SUPT3H: variants seen among roughly 807,000 people sequenced by gnomAD.
SUPT3H encodes the protein transcription initiation protein SPT3 homolog.
Under a neutral mutation model 44.3 loss-of-function variants are expected in SUPT3H, and 44 were observed. The ratio of observed to expected loss-of-function variants is 0.99; its 90% confidence interval spans 0.78 to 1.28. The LOEUF is 1.28. Among genes scored for constraint, SUPT3H ranks in the 50% most tolerant of loss-of-function variants. The probability of loss-of-function intolerance (pLI) is 0.00; values close to 1 mark genes in which losing one functional copy is unlikely to be tolerated. For missense variants in SUPT3H, 380 were observed against 387.1 expected (o/e 0.98, Z 0.15); for synonymous variants, 124 against 125.6 (o/e 0.99, Z 0.09).
intron 3 of SUPT3H, chr6:45,099,386 A>C (rs1225238058): frequency 6.6e-6 from 1 of 152,404 alleles, no homozygotes; most frequent in Non-Finnish European, 1.5e-5. Flanking sequence ...AAATGGAATA[A>C]AACACGTTTC....
chr6:45,061,449 G>T (rs935039181), intron 3 of SUPT3H, among the ~76,000 whole-genome samples: 1 of 152,124 alleles, frequency 6.6e-6, no homozygotes, highest in Non-Finnish European at 1.5e-5. Context: ...TTTAGAGGGG[G>T]CAGGGAGAGG....
chr6:45,263,496 AG>A (rs1774735501), intron 2 of SUPT3H, among the ~76,000 whole-genome samples: 1 of 152,112 alleles, frequency 6.6e-6, no homozygotes, highest in Non-Finnish European at 1.5e-5. Context: ...TGGGTGAGGG[AG>A]TTGGGTATGG....
intron 3 of SUPT3H, among the ~76,000 whole-genome samples, chr6:45,050,349 CA>C (rs1562340111): frequency 6.7e-6 from 1 of 150,004 alleles, no homozygotes; most frequent in African/African-American, 2.5e-5. Flanking sequence ...CTATAAACCA[CA>C]AAATCATCTG....
intron 3 of SUPT3H, among the ~76,000 whole-genome samples, chr6:45,071,344 C>A (rs1794349230): frequency 6.6e-6 from 1 of 152,084 alleles, no homozygotes; most frequent in African/African-American, 2.4e-5. Flanking sequence ...AAAAGTTACA[C>A]ATGAGGAAAC....
At chr6:45,272,640 G>A (rs1329354733) in intron 2 of SUPT3H, among the ~76,000 whole-genome samples, 2 of 152,170 alleles carry the variant, frequency 1.3e-5, no homozygotes, top group African/African-American at 4.8e-5. Flanking sequence ...GGACTGTAAG[G>A]TGGATGCCTA....
intron 2 of SUPT3H, among the ~76,000 whole-genome samples, chr6:45,191,765 T>C (rs1815181218): frequency 6.6e-6 from 1 of 152,040 alleles, no homozygotes; most frequent in Non-Finnish European, 1.5e-5. Context: ...AAAACGTTTA[T>C]CAAATCACCA....
intron 10 of SUPT3H, among the ~76,000 whole-genome samples, chr6:44,841,111 C>T (rs893881627): frequency 1.3e-5 from 2 of 152,194 alleles, no homozygotes; most frequent in African/African-American, 4.8e-5. Context: ...GCTTCCTGTA[C>T]AGCCTGGAGA....
intron 2 of SUPT3H, among the ~76,000 whole-genome samples, chr6:45,111,843 C>T (rs1800120244): frequency 6.6e-6 from 1 of 152,002 alleles, no homozygotes; most frequent in South Asian, 2.1e-4. Flanking sequence ...AAATGACCAG[C>T]CAGAGATTTG....
At chr6:45,282,446 C>T (rs889452481) in intron 2 of SUPT3H, among the ~76,000 whole-genome samples, 2 of 152,110 alleles carry the variant, frequency 1.3e-5, no homozygotes, top group Non-Finnish European at 2.9e-5. Context: ...AATGCACAAG[C>T]TTCAGTAGCC....
At chr6:45,292,850 A>C (rs998326829) in intron 2 of SUPT3H, among the ~76,000 whole-genome samples, 1 of 151,140 alleles carries the variant, frequency 6.6e-6, no homozygotes, top group Admixed American at 6.6e-5. Context: ...TTACTAACAG[A>C]CCTAAGAAAT....
chr6:44,847,489 ATT>A (rs201785834), intron 10 of SUPT3H, among the ~76,000 whole-genome samples: 19 of 143,636 alleles, frequency 1.3e-4, no homozygotes, highest in Admixed American at 2.8e-4. Flanking sequence ...TTATGGGAAG[ATT>A]TTTTTTTTTT....
chr6:45,330,648 T>C (rs983523751), intron 2 of SUPT3H, among the ~76,000 whole-genome samples: 8 of 152,032 alleles, frequency 5.3e-5, no homozygotes, highest in Non-Finnish European at 1.2e-4. Context: ...CTTATACTTC[T>C]GTAACATTCT....
At chr6:45,021,482 A>T (rs1029803520) in intron 3 of SUPT3H, among the ~76,000 whole-genome samples, 1 of 151,998 alleles carries the variant, frequency 6.6e-6, no homozygotes, top group African/African-American at 2.4e-5. Context: ...AAAAATAAAG[A>T]TGCTACAGAA....
At chr6:45,162,411 C>T (rs929798480) in intron 2 of SUPT3H, among the ~76,000 whole-genome samples, 1 of 152,078 alleles carries the variant, frequency 6.6e-6, no homozygotes, top group African/African-American at 2.4e-5. Context: ...ATAGTCCCAG[C>T]TACTCAGGAG....
chr6:44,878,416 C>T (rs1308283884), intron 10 of SUPT3H, among the ~76,000 whole-genome samples: 1 of 151,336 alleles, frequency 6.6e-6, no homozygotes, highest in South Asian at 2.1e-4. Flanking sequence ...TGAGATAGGC[C>T]TTTTTTTGGA....
At chr6:45,212,516 TG>T (rs1407472186) in intron 2 of SUPT3H, among the ~76,000 whole-genome samples, 1 of 23,604 alleles carries the variant, frequency 4.2e-5, no homozygotes, top group Admixed American at 3.4e-4. Context: ...TGTGTGTGTG[TG>T]TGTGTGTGTG....
intron 2 of SUPT3H, among the ~76,000 whole-genome samples, chr6:45,231,786 T>A (rs1157735444): frequency 6.6e-6 from 1 of 152,226 alleles, no homozygotes; most frequent in Non-Finnish European, 1.5e-5. Context: ...GTTCATCCTT[T>A]ACTCCTTTTA....
chr6:45,348,168 T>C (rs1791275905), intron 2 of SUPT3H, among the ~76,000 whole-genome samples: 1 of 152,100 alleles, frequency 6.6e-6, no homozygotes, highest in Admixed American at 6.6e-5. Context: ...CATTATTTAA[T>C]AATTAAGAAA....
chr6:45,240,071 G>A (rs919517536), intron 2 of SUPT3H, among the ~76,000 whole-genome samples: 1 of 152,124 alleles, frequency 6.6e-6, no homozygotes, highest in African/African-American at 2.4e-5. Context: ...TAATAACTTG[G>A]GGTAGAGGTT....
Sources: allele counts gnomAD v4.1 joint callset (sites outside exome capture counted in the v4.1 genomes callset), GRCh38; gene constraint gnomAD v4.1.1; transcripts MANE v1.5; gene names NCBI Gene and HGNC (gene_info 2026-07-23, HGNC 2026-07-21).